ARHGAP11A: variants seen among roughly 807,000 people sequenced by gnomAD.
ARHGAP11A encodes the protein Rho GTPase activating protein 11A, also known as rho GTPase-activating protein 11A.
A neutral mutation model predicts 60.5 loss-of-function variants in ARHGAP11A; 36 were observed. The observed-to-expected ratio is 0.59, with a 90% CI of 0.46 to 0.79. ARHGAP11A has a LOEUF of 0.79. Among genes scored for constraint, ARHGAP11A ranks in the 30% least tolerant of loss-of-function variants. ARHGAP11A has a pLI of 0.00. For missense variants in ARHGAP11A, 1,071 were observed against 1,199.2 expected (o/e 0.89, Z 1.58); for synonymous variants, 362 against 415.5 (o/e 0.87, Z 1.57).
chr15:32,634,166 T>C (rs2053651429), intron 10 of ARHGAP11A, 125 bp downstream of exon 10: 2 of 665,620 alleles, frequency 3.0e-6, no homozygotes, highest in South Asian at 4.4e-5. Context: ...TATCCAAAAC[T>C]CTTATACTTG....
In ARHGAP11A at chr15:32,624,259, G is replaced by A. The variant is rs774227809; in HGVS notation, c.384G>A (p.Leu128=). The A allele has an allele frequency of 6.2e-7, 1 of 1,613,376 alleles. No individual in the cohort carries two copies. Among genetic ancestry groups the A allele is most frequent in the East Asian group, 2.2e-5 (1 of 44,844 alleles). Residue 128 remains leucine (L), a synonymous_variant, in exon 4 of 12, where the codon CTG becomes CTA. Coordinates refer to ENST00000361627, the MANE Select transcript of ARHGAP11A (RefSeq NM_014783.6). ...AGLLKQFFRE[L]PEPILPADLH... ...TTCTTAAGCAGTTTTTTAGGGAACT[G>A]CCAGAGCCCATTCTCCCAGCTGATT...
At chr15:32,635,992 ATTAAT>A in intron 11 of ARHGAP11A, 77 bp downstream of exon 11, 2 of 1,488,700 alleles carry the variant, frequency 1.3e-6, no homozygotes, top group Non-Finnish European at 1.8e-6. Flanking sequence ...AAACATATTA[ATTAAT>A]TTACTGTTCT....
intron 1 of ARHGAP11A, 72 bp downstream of exon 1, chr15:32,616,412 G>T: frequency 6.3e-7 from 1 of 1,597,906 alleles, no homozygotes; most frequent in Non-Finnish European, 8.5e-7. Flanking sequence ...CTACCAGATC[G>T]TGCTAAAATG....
At chr15:32,620,893 C>T (rs930287170) in intron 2 of ARHGAP11A, among the ~76,000 whole-genome samples, 27 of 151,940 alleles carry the variant, frequency 1.8e-4, no homozygotes, top group African/African-American at 5.6e-4. Context: ...AAGCAAGACT[C>T]CATGTATAAA....
rs1473448972 is a variant in ARHGAP11A, at chr15:32,637,552, T to C, written c.2779T>C (p.Ser927Pro). 1.2e-6 allele frequency: 2 copies of C among 1,614,150 alleles called. No homozygotes were observed. Among genetic ancestry groups the C allele is most frequent in the Admixed American group, 3.3e-5 (2 of 60,026 alleles). The change falls in exon 12 of 12, where the codon TCT (serine) becomes CCT (proline). Residue 927 changes from serine to proline, a missense_variant. Physicochemically the swap from Ser to Pro is moderately conservative, Grantham distance 74. Coordinates refer to ENST00000361627, the MANE Select transcript of ARHGAP11A (RefSeq NM_014783.6). ...GTCAAGCATGGAGTTACCCTCGAAA[T>C]CTTTCTTAAAGATGAGGAAGCACCC... ...SKSSMELPSK[S>P]FLKMRKHPDS... is the part of the protein sequence containing the mutation.
At chr15:32,621,976 C>T (rs2053334015) in intron 2 of ARHGAP11A, among the ~76,000 whole-genome samples, 1 of 152,310 alleles carries the variant, frequency 6.6e-6, no homozygotes, top group South Asian at 2.1e-4. Flanking sequence ...CATCCAAAAG[C>T]AATTATCGAA....
intron 7 of ARHGAP11A, 52 bp from the exon 8 acceptor site, chr15:32,629,543 G>A: frequency 2.0e-6 from 3 of 1,487,126 alleles, no homozygotes; most frequent in Non-Finnish European, 2.7e-6. Flanking sequence ...GCTTTTATAT[G>A]TTGTCAACTC....
chr15:32,625,292 C>A (rs1446879866), intron 5 of ARHGAP11A, 49 bp downstream of exon 5: 3 of 1,545,660 alleles, frequency 1.9e-6, no homozygotes, highest in East Asian at 2.3e-5. Flanking sequence ...TGAGGAAAAT[C>A]TCTGTTTCTT....
In ARHGAP11A at chr15:32,625,116, A is replaced by C. The variant is rs1216736061; in HGVS notation, c.588A>C (p.Ala196=). 2 of 1,613,842 alleles carry C rather than the reference A, an allele frequency of 1.2e-6. No individual in the cohort carries two copies. Among genetic ancestry groups the C allele is most frequent in the Non-Finnish European group, 1.7e-6 (2 of 1,179,846 alleles). The part of the protein sequence containing the change: ...SENKMDSSNL[A]VIFAPNLLQT... ...ATAAGATGGACAGCAGCAATCTTGC[A>C]GTAATATTTGCACCGAATCTTCTTC... The change falls in exon 5 of 12, where the codon GCA becomes GCC. Residue 196 remains alanine, a synonymous_variant. Coordinates refer to ENST00000361627, the MANE Select transcript of ARHGAP11A (RefSeq NM_014783.6).
rs1442062625 is a variant in ARHGAP11A, at chr15:32,639,768, A to G, written c.*1923A>G. 1.3e-5 allele frequency: 2 copies of G among 152,232 alleles called. No individual in the cohort carries two copies. Among genetic ancestry groups the G allele is most frequent in the African/African-American group, 4.8e-5 (2 of 41,460 alleles). 9.4% of individuals were successfully genotyped at this position (152,232 alleles called of 1,614,324 possible). On this transcript the variant is annotated 3_prime_UTR_variant, in exon 12 of 12. Transcript: ENST00000361627. ...AGGTAGGGTAACTAGAGAGCCAGAA[A>G]AGTTTTGTTTTAAACTTGATTTAAT...
In ARHGAP11A at chr15:32,636,343, C is replaced by A. The variant is rs748689204; in HGVS notation, c.1570C>A (p.Pro524Thr). ...AAATTACCGGATGTCTTGGACAGGA[C>A]CTAATAATTCAAGTTTTCAAGAAGT... ...GTNYRMSWTG[P>T]NNSSFQEVDA... The change falls in exon 12 of 12, where the codon CCT becomes ACT. Residue 524 changes from proline to threonine, a missense_variant. Coordinates refer to ENST00000361627, the MANE Select transcript of ARHGAP11A (RefSeq NM_014783.6). The A allele has an allele frequency of 6.2e-7, 1 of 1,613,948 alleles. No homozygotes were observed. The highest frequency in any genetic ancestry group is 1.7e-5 in the Admixed American group (1 of 59,986).
At position 32,638,118 on chromosome 15, in the gene ARHGAP11A, G is replaced by A. The variant is rs748872110; in HGVS notation, c.*273G>A. On this transcript the variant is annotated 3_prime_UTR_variant, in exon 12 of 12. Transcript: ENST00000361627. Reference sequence around the variant, plus strand: ...TAGACTTTACCTTTCTGACTCTGTCGTCCAGGCTGGAGTGCAGTGGCGCAA... The same window carrying A: ...TAGACTTTACCTTTCTGACTCTGTCATCCAGGCTGGAGTGCAGTGGCGCAA... 43 of 326,886 alleles carry A rather than the reference G, an allele frequency of 1.3e-4. 1 individual carries two copies. The highest frequency in any genetic ancestry group is 6.5e-5 in the African/African-American group (3 of 46,098). 20.2% of individuals were successfully genotyped at this position (326,886 alleles called of 1,614,324 possible).
Position 32,639,403 on chromosome 15 carries a change from A to G in ARHGAP11A, c.*1558A>G, listed in dbSNP as rs1048230150. 1 of 152,244 alleles carries G rather than the reference A, an allele frequency of 6.6e-6. No homozygotes were observed. The highest frequency in any genetic ancestry group is 1.5e-5 in the Non-Finnish European group (1 of 68,034). 9.4% of individuals were successfully genotyped at this position (152,244 alleles called of 1,614,324 possible). A position where few individuals can be genotyped will look rare whatever the true frequency, so the allele number is the denominator to read the frequency against. ...GTTCTACTTTGTTTATTTGATATCA[A>G]ATAGGTTTGTAGATGTTTATGGCAT... is the stretch of plus-strand genomic sequence containing the variant. On this transcript the variant is annotated 3_prime_UTR_variant, in exon 12 of 12. Transcript: ENST00000361627.
At chr15:32,624,988 A>G (rs1044697627) in intron 4 of ARHGAP11A, 92 bp from the exon 5 acceptor site, 3 of 1,427,206 alleles carry the variant, frequency 2.1e-6, no homozygotes, top group South Asian at 1.2e-5. Flanking sequence ...TATGACTGAT[A>G]ATAAGGTCTT....
At chr15:32,632,955 T>C in intron 8 of ARHGAP11A, 24 bp from the exon 9 acceptor site, 3 of 1,603,164 alleles carry the variant, frequency 1.9e-6, no homozygotes, top group Non-Finnish European at 2.6e-6. Context: ...ATGTGTGGTA[T>C]ATTACATGTG....
At position 32,623,538 on chromosome 15, in the gene ARHGAP11A, G is replaced by A. The variant is rs1254258669; in HGVS notation, c.247G>A (p.Glu83Lys). 2 of 1,614,112 alleles carry A rather than the reference G, an allele frequency of 1.2e-6. No individual in the cohort carries two copies. Among genetic ancestry groups the A allele is most frequent in the Non-Finnish European group, 1.7e-6 (2 of 1,180,014 alleles). ...ATCTTTAGAAGACCATATTCATACCGAAGGGCTTTTTCGGAAATCAGGATC... is the reference window on the plus strand; with the variant it reads ...ATCTTTAGAAGACCATATTCATACCAAAGGGCTTTTTCGGAAATCAGGATC... Reference protein sequence around the residue: ...CTSLEDHIHTEGLFRKSGSVI... With the variant: ...CTSLEDHIHTKGLFRKSGSVI... Residue 83 changes from glutamate to lysine, a missense_variant, in exon 3 of 12, where the codon GAA becomes AAA. Transcript: ENST00000361627.
Position 32,637,535 on chromosome 15 carries a change from T to C in ARHGAP11A, c.2762T>C (p.Met921Thr), listed in dbSNP as rs761785802. ...ATTGGTGCAATTTCAAAGTCAAGCA[T>C]GGAGTTACCCTCGAAATCTTTCTTA... ...SNIGAISKSS[M>T]ELPSKSFLKM... The change falls in exon 12 of 12, where the codon ATG (methionine) becomes ACG (threonine). Residue 921 changes from methionine to threonine, a missense_variant. This residue lies in a region of ARHGAP11A where 776 missense variants were observed against 760.2 expected (regional missense o/e 1.02). Transcript: ENST00000361627. The C allele has an allele frequency of 5.6e-6, 9 of 1,614,116 alleles. No individual in the cohort carries two copies. In the East Asian group the frequency reaches 2.0e-4, roughly 36 times the overall value.
chr15:32,632,838 G>A (rs2053615316), intron 8 of ARHGAP11A, 141 bp from the exon 9 acceptor site: 1 of 791,230 alleles, frequency 1.3e-6, no homozygotes, highest in African/African-American at 1.7e-5. Context: ...GACACTTGAA[G>A]TTTCTAACCA....
At chr15:32,616,405 C>A (rs4353456) in intron 1 of ARHGAP11A, 65 bp downstream of exon 1, 3 of 1,605,240 alleles carry the variant, frequency 1.9e-6, no homozygotes, top group Non-Finnish European at 2.6e-6. Flanking sequence ...TCACTTACTA[C>A]CAGATCGTGC....
Sources: allele counts gnomAD v4.1 joint callset (sites outside exome capture counted in the v4.1 genomes callset), GRCh38; gene constraint gnomAD v4.1.1; regional missense constraint gnomAD v4.1.1; transcripts MANE v1.5; gene names NCBI Gene and HGNC (gene_info 2026-07-23, HGNC 2026-07-21).